ANKRD42: variants seen among roughly 807,000 people sequenced by gnomAD.
ANKRD42 encodes the protein ankyrin repeat domain-containing protein 42.
ANKRD42 carries 43 observed loss-of-function variants against 51.5 expected under a neutral mutation model. The observed-to-expected ratio is 0.83, with a 90% CI of 0.65 to 1.08. ANKRD42 has a LOEUF of 1.08. Among genes scored for constraint, ANKRD42 ranks in the 50% least tolerant of loss-of-function variants. The pLI is 0.00. For synonymous variants in ANKRD42, 203 were observed against 213.0 expected (o/e 0.95, Z 0.41); for missense variants, 608 against 629.3 (o/e 0.97, Z 0.36).
exon 12 of ANKRD42, chr11:83,255,938 GTGA>G: frequency 6.6e-7 from 1 of 1,515,096 alleles, no homozygotes. Context: ...GTACTAATCA[GTGA>G]AATAACTAAA....
intron 6 of ANKRD42, among the ~76,000 whole-genome samples, chr11:83,226,402 A>G (rs1048638650): frequency 7.5e-4 from 114 of 152,214 alleles, no homozygotes; most frequent in African/African-American, 2.5e-3. Context: ...CTTTTTTAAA[A>G]ATAAGATCTT....
chr11:83,208,856 G>T (rs1401235915), intron 3 of ANKRD42, among the ~76,000 whole-genome samples: 1 of 152,088 alleles, frequency 6.6e-6, no homozygotes, highest in Non-Finnish European at 1.5e-5. Flanking sequence ...GTAAAGTATA[G>T]AAGAGTCTCT....
chr11:83,248,383 T>C lies in ANKRD42; in HGVS notation c.*179T>C. 2 of 1,298,186 alleles carry C rather than the reference T, an allele frequency of 1.5e-6. No individual in the cohort carries two copies. Among genetic ancestry groups the C allele is most frequent in the Non-Finnish European group, 1.9e-6 (2 of 1,029,130 alleles). 80.4% of individuals were successfully genotyped at this position (1,298,186 alleles called of 1,614,324 possible). On this transcript the variant is annotated 3_prime_UTR_variant, in exon 11 of 11. Transcript: ENST00000533342. ...CTAGATACATACACACATCTGTCTA[T>C]CTATCTTCAAACAGCAGCCTAGTTC...
chr11:83,199,055 A>C (rs192235626), intron 2 of ANKRD42, among the ~76,000 whole-genome samples: 2 of 152,196 alleles, frequency 1.3e-5, no homozygotes, highest in Admixed American at 6.5e-5. Flanking sequence ...AGGTTTCTAC[A>C]TGTGAGCTAG....
intron 6 of ANKRD42, among the ~76,000 whole-genome samples, chr11:83,227,488 G>C (rs371101218): frequency 6.7e-6 from 1 of 149,126 alleles, no homozygotes; most frequent in Non-Finnish European, 1.5e-5. Context: ...TGATATGAGA[G>C]AGAAAGAGAG....
intron 6 of ANKRD42, among the ~76,000 whole-genome samples, chr11:83,226,809 CAAAA>C (rs1392771414): frequency 6.6e-6 from 1 of 151,886 alleles, no homozygotes; most frequent in Non-Finnish European, 1.5e-5. Flanking sequence ...CTAAACAAAA[CAAAA>C]CAAAACAAAA....
chr11:83,247,899 G>T (rs373912607), intron 10 of ANKRD42, 44 bp from the exon 11 acceptor site: 368 of 1,492,342 alleles, frequency 2.5e-4, no homozygotes, highest in Non-Finnish European at 3.2e-4. Flanking sequence ...GTAATTATTA[G>T]TTGACATTGA....
At chr11:83,204,005 T>G (rs561558164) in intron 2 of ANKRD42, among the ~76,000 whole-genome samples, 224 of 152,012 alleles carry the variant, frequency 1.5e-3, no homozygotes, top group African/African-American at 5.2e-3. Flanking sequence ...TACAGTGGCA[T>G]GATCTCGGCT....
chr11:83,222,664 C>T (rs1474691742), intron 5 of ANKRD42, among the ~76,000 whole-genome samples: 1 of 152,004 alleles, frequency 6.6e-6, no homozygotes, highest in African/African-American at 2.4e-5. Context: ...GAGGGATGTG[C>T]GTGGTGTGTA....
intron 8 of ANKRD42, among the ~76,000 whole-genome samples, chr11:83,236,861 C>G (rs1175343471): frequency 6.6e-6 from 1 of 152,140 alleles, no homozygotes; most frequent in African/African-American, 2.4e-5. Flanking sequence ...TTTGTCCCAT[C>G]CAAATGCCTG....
intron 1 of ANKRD42, 146 bp from the exon 2 acceptor site, chr11:83,198,333 G>C: frequency 1.3e-6 from 1 of 787,778 alleles, no homozygotes; most frequent in Non-Finnish European, 1.9e-6. Context: ...CCAGAAGTCT[G>C]TTTAAGATAT....
chr11:83,198,432 C>T (rs200776346), intron 1 of ANKRD42, 47 bp from the exon 2 acceptor site: 564 of 1,477,374 alleles, frequency 3.8e-4, no homozygotes, highest in Admixed American at 9.3e-4. Flanking sequence ...CTTTTTTTTT[C>T]TTTCATAGTT....
At position 83,254,745 on chromosome 11, in the gene ANKRD42, T is replaced by C. The variant is rs117321939; in HGVS notation, c.1465-1100T>C. Among the ~76,000 whole-genome samples the C allele has an allele frequency of 5.9e-5, 9 of 152,316 alleles. No homozygotes were observed. In the East Asian group the frequency reaches 1.7e-3, roughly 29 times the overall value. ...CTCATCTTTAAAATACTGGTAATGCTACTTACTACACTTGATTTTGTATGT... is the reference window on the plus strand; with the variant it reads ...CTCATCTTTAAAATACTGGTAATGCCACTTACTACACTTGATTTTGTATGT... On this transcript the variant is annotated intron_variant, in intron 11 of 11. Transcript: ENST00000260047.
intron 5 of ANKRD42, chr11:83,214,718 T>C (rs1862462013): frequency 4.5e-6 from 1 of 222,190 alleles, no homozygotes; most frequent in Admixed American, 6.5e-5. Context: ...ATATTTCTTT[T>C]ATACTAGGAA....
intron 7 of ANKRD42, among the ~76,000 whole-genome samples, chr11:83,230,243 G>C (rs1225568933): frequency 6.6e-6 from 1 of 152,084 alleles, no homozygotes; most frequent in Non-Finnish European, 1.5e-5. Context: ...TGTAGAGACA[G>C]AGTTTTGCCA....
intron 5 of ANKRD42, chr11:83,214,652 C>A: frequency 1.4e-6 from 1 of 731,280 alleles, no homozygotes; most frequent in Non-Finnish European, 1.7e-6. Context: ...TCATTTGTAT[C>A]AAATTTGATA....
intron 3 of ANKRD42, chr11:83,209,338 G>T: frequency 8.9e-7 from 1 of 1,121,712 alleles, no homozygotes; most frequent in African/African-American, 1.5e-5. Flanking sequence ...GGGAGTGCGT[G>T]CTGCTGGGAG....
At chr11:83,231,823 GTGTATGTTCT>G (rs548533957) in intron 7 of ANKRD42, among the ~76,000 whole-genome samples, 53 of 152,234 alleles carry the variant, frequency 3.5e-4, no homozygotes, top group African/African-American at 1.3e-3. Context: ...CTTTTACCCA[GTGTATGTTCT>G]TGTATGTTCT....
At position 83,202,964 on chromosome 11, in the gene ANKRD42, A is replaced by G. The variant is rs1861926915; in HGVS notation, c.223-3094A>G. Among the ~76,000 whole-genome samples the G allele has an allele frequency of 2.0e-5, 3 of 151,250 alleles. No homozygotes were observed. In the South Asian group the frequency reaches 6.3e-4, roughly 32 times the overall value. ...TTTAGTGTCTAGCACAGTGCCTAGCAGATGTTCAATAAATGTTGGTTGGAT... is the reference window on the plus strand; with the variant it reads ...TTTAGTGTCTAGCACAGTGCCTAGCGGATGTTCAATAAATGTTGGTTGGAT... On this transcript the variant is annotated intron_variant, in intron 2 of 10. Coordinates refer to ENST00000533342, the MANE Select transcript of ANKRD42 (RefSeq NM_001300975.2).
Sources: gnomAD v4.1 joint callset for allele counts (sites outside exome capture counted in the v4.1 genomes callset) on GRCh38, gnomAD v4.1.1 for gene constraint, MANE v1.5 for transcripts, NCBI Gene and HGNC (gene_info 2026-07-23, HGNC 2026-07-21) for gene names.